The following REPS2 variants were observed in gnomAD, a reference collection of about 807,000 sequenced individuals.
The protein encoded by REPS2 is RALBP1 associated Eps domain containing 2, also known as ralBP1-associated Eps domain-containing protein 2.
A neutral mutation model predicts 53.6 loss-of-function variants in REPS2; 23 were observed. The ratio of observed to expected loss-of-function variants is 0.43; its 90% confidence interval spans 0.31 to 0.61. REPS2 has a LOEUF of 0.61. REPS2 is among the 20% of genes least tolerant of loss of function. The pLI, the probability that REPS2 is intolerant of heterozygous loss-of-function variation, is 0.11. For missense variants in REPS2, 446 were observed against 534.9 expected, an observed-to-expected ratio of 0.83 and a Z score of 1.64; for synonymous variants, 238 against 218.6, an observed-to-expected ratio of 1.09 and a Z score of -0.78.
intron 5 of REPS2, among the ~76,000 whole-genome samples, chrX:17,034,018 A>G (rs1185780635): frequency 8.9e-6 from 1 of 111,873 alleles, no homozygotes; most frequent in Non-Finnish European, 1.9e-5. Context: ...TTCCCCATTA[A>G]GAACGTGAAA....
chrX:17,054,017 C>G (rs751600623), intron 7 of REPS2, among the ~76,000 whole-genome samples: 1 of 112,264 alleles, frequency 8.9e-6, no homozygotes, highest in East Asian at 2.8e-4. Context: ...GTACACTTGT[C>G]CCTGTCTACC....
chrX:17,162,196 G>A, the REPS2 span, among the ~76,000 whole-genome samples: 2 of 111,656 alleles, frequency 1.8e-5, no homozygotes, highest in Non-Finnish European at 3.8e-5. Flanking sequence ...ATAGTTCCCC[G>A]GGAAATCTCA....
intron 11 of REPS2, among the ~76,000 whole-genome samples, chrX:17,070,279 A>C (rs1569159652): frequency 8.9e-6 from 1 of 112,184 alleles, no homozygotes; most frequent in Admixed American, 9.5e-5. Flanking sequence ...AAAATTGAGA[A>C]GGCTTGAGGT....
At chrX:17,121,735 G>T (rs1477898250) in intron 14 of REPS2, among the ~76,000 whole-genome samples, 4 of 109,929 alleles carry the variant, frequency 3.6e-5, no homozygotes, top group African/African-American at 1.3e-4. Flanking sequence ...TTTTTGAGAC[G>T]GAGTCTCACT....
rs766042969 is a variant in REPS2 at position 17,068,408 on chromosome X, T to C, written c.1216T>C (p.Ser406Pro). 5 of 1,199,033 alleles carry C rather than the reference T, an allele frequency of 4.2e-6. No individual in the cohort carries two copies. In the East Asian group the frequency reaches 1.2e-4, roughly 28 times the overall value. The part of the protein sequence containing the change: ...PRDLNRMEKT[S>P]VKDMADLPVP... ...TTACTTTTCTTTTTCAAAGAAGACATCTGTTAAAGACATGGCTGACCTTCC... is the reference window on the plus strand; with the variant it reads ...TTACTTTTCTTTTTCAAAGAAGACACCTGTTAAAGACATGGCTGACCTTCC... Residue 406 changes from serine to proline, a missense_variant, in exon 10 of 18, where the codon TCT becomes CCT. By Grantham distance (74) the Ser-to-Pro change is moderately conservative. Transcript: ENST00000357277.
chrX:17,030,716 G>T (rs1363020501), intron 5 of REPS2, among the ~76,000 whole-genome samples: 1 of 112,268 alleles, frequency 8.9e-6, no homozygotes, highest in Non-Finnish European at 1.9e-5. Flanking sequence ...AGTTACTGCT[G>T]CTTCTAATAG....
At chrX:16,967,579 G>A (rs190800351) in intron 1 of REPS2, among the ~76,000 whole-genome samples, 2 of 110,709 alleles carry the variant, frequency 1.8e-5, no homozygotes, top group East Asian at 5.7e-4. Flanking sequence ...TGGGAGGATT[G>A]CTTGAGCCTG....
the REPS2 span, among the ~76,000 whole-genome samples, chrX:17,173,119 A>C: frequency 4.5e-5 from 5 of 111,634 alleles, no homozygotes; most frequent in African/African-American, 1.6e-4. Context: ...ATTACCACAA[A>C]TTCAGAGGCT....
chrX:16,987,573 T>G lies in REPS2; in HGVS notation c.274-18648T>G, dbSNP rs111588769. Among the ~76,000 whole-genome samples the G allele has an allele frequency of 4.4e-3, 500 of 112,482 alleles. 2 individuals are homozygous for G. The highest frequency in any genetic ancestry group is 0.015 in the African/African-American group (479 of 30,994). On this transcript the variant is annotated intron_variant, in intron 1 of 17. Coordinates refer to ENST00000357277, the MANE Select transcript of REPS2 (RefSeq NM_004726.3). Reference sequence around the variant, plus strand: ...ATCATTATTTTATGCAGGCATTGTTTATTTAATCAGAGTTCAGTAAACTTT... The same window carrying G: ...ATCATTATTTTATGCAGGCATTGTTGATTTAATCAGAGTTCAGTAAACTTT...
In REPS2 at chrX:17,029,528, C is replaced by G; in HGVS notation, c.676C>G (p.Pro226Ala). Residue 226 changes from proline (P) to alanine (A), a missense_variant and splice_region_variant, in exon 5 of 18, where the codon CCT (proline) becomes GCT (alanine). Physicochemically the swap from Pro to Ala is conservative, Grantham distance 27. Transcript: ENST00000357277. ...RSSAEQMHPA[P>A]YEARQPLVQP... ...GACTTTCCTTTCTGCTGTTTCAGCA[C>G]CTTATGAAGCTAGGCAGCCCCTTGT... 1 of 1,202,635 alleles carries G rather than the reference C, an allele frequency of 8.3e-7. No individual in the cohort carries two copies.
chrX:17,109,182 C>T (rs1476611523), intron 14 of REPS2, among the ~76,000 whole-genome samples: 1 of 110,622 alleles, frequency 9.0e-6, no homozygotes, highest in African/African-American at 3.3e-5. Context: ...GGAGTTCTGT[C>T]TGGGGAGCAG....
At chrX:16,956,787 G>A (rs2060603429) in intron 1 of REPS2, among the ~76,000 whole-genome samples, 1 of 112,511 alleles carries the variant, frequency 8.9e-6, no homozygotes, top group East Asian at 2.8e-4. Flanking sequence ...TGGAGCCAGT[G>A]CCAGCTGCTT....
intron 14 of REPS2, among the ~76,000 whole-genome samples, chrX:17,132,474 G>A (rs933132775): frequency 8.9e-6 from 1 of 112,852 alleles, no homozygotes; most frequent in African/African-American, 3.2e-5. Context: ...CCAAGAAGAT[G>A]TCTTTAAAAC....
chrX:17,024,209 C>T (rs1240471333), intron 3 of REPS2, among the ~76,000 whole-genome samples: 1 of 109,545 alleles, frequency 9.1e-6, no homozygotes, highest in Non-Finnish European at 1.9e-5. Context: ...ATTGCTTGAG[C>T]CCAGGAAGTC....
intron 1 of REPS2, among the ~76,000 whole-genome samples, chrX:16,971,796 G>T (rs960013189): frequency 9.8e-5 from 11 of 112,204 alleles, no homozygotes; most frequent in African/African-American, 2.9e-4. Context: ...CTAATGAATT[G>T]TTTTGGAACC....
chrX:16,966,114 G>A, intron 1 of REPS2, among the ~76,000 whole-genome samples: 1 of 112,205 alleles, frequency 8.9e-6, no homozygotes, highest in Non-Finnish European at 1.9e-5. Context: ...GAGAGGGAGA[G>A]GGAGACCGTG....
intron 1 of REPS2, among the ~76,000 whole-genome samples, chrX:16,962,239 G>T (rs1193408125): frequency 4.7e-5 from 5 of 106,848 alleles, no homozygotes; most frequent in Middle Eastern, 4.9e-3. Flanking sequence ...CAATTTAAGT[G>T]ACTGTTGATG....
At chrX:16,956,284 G>GTTTTTTTTT (rs869259012) in intron 1 of REPS2, among the ~76,000 whole-genome samples, 5 of 24,749 alleles carry the variant, frequency 2.0e-4, no homozygotes, top group Non-Finnish European at 3.1e-4. Flanking sequence ...AACCACAGCA[G>GTTTTTTTTT]TTTTTTTTTT....
intron 5 of REPS2, among the ~76,000 whole-genome samples, chrX:17,030,321 GT>G (rs2061692901): frequency 3.7e-5 from 4 of 109,479 alleles, no homozygotes; most frequent in Non-Finnish European, 7.6e-5. Context: ...AAGGGTGTGT[GT>G]GTGTGTGTGT....
Sources: allele counts gnomAD v4.1 joint callset (sites outside exome capture counted in the v4.1 genomes callset), GRCh38; gene constraint gnomAD v4.1.1; transcripts MANE v1.5; gene names NCBI Gene and HGNC (gene_info 2026-07-23, HGNC 2026-07-21).